The following FRY variants were observed in gnomAD, a reference collection of about 807,000 sequenced individuals.
FRY encodes the protein FRY microtubule binding protein.
In FRY, 128 loss-of-function variants were observed where a neutral mutation model predicts 348.4. That is an observed-to-expected ratio of 0.37 (90% CI 0.32 to 0.43). The LOEUF (loss-of-function observed/expected upper bound fraction) is 0.43. Ranked by LOEUF, FRY falls within the 20% of genes least tolerant of loss-of-function variation. The pLI, the probability that FRY is intolerant of heterozygous loss-of-function variation, is 1.00. For synonymous variants in FRY, 1,370 were observed against 1,374.7 expected, an observed-to-expected ratio of 1.00 and a Z score of 0.08; for missense variants, 2,736 against 3,695.2, an observed-to-expected ratio of 0.74 and a Z score of 6.73.
Position 32,247,325 on chromosome 13 carries a change from T to TGTTC in FRY, c.6832_6835dup (p.His2279ArgfsTer29). 1 of 1,611,202 alleles carries TGTTC rather than the reference T, an allele frequency of 6.2e-7. No individual in the cohort carries two copies. ...CTTGAATGTTTTATTTCCTGCAGAG[T>TGTTC]GTTCACTGGAGAGAAGCTCTGAATA... On this transcript the variant is annotated frameshift_variant, in exon 48 of 61. Transcript: ENST00000542859. LOFTEE classifies it high-confidence loss of function.
chr13:32,234,950 A>G (rs1886143930), intron 42 of FRY, among the ~76,000 whole-genome samples, 189 bp downstream of exon 42: 1 of 152,184 alleles, frequency 6.6e-6, no homozygotes, highest in African/African-American at 2.4e-5. Flanking sequence ...TTGTTCTAGA[A>G]ATTCAGTGGA....
chr13:32,211,086 T>A (rs780735671), intron 34 of FRY, 52 bp downstream of exon 34: 2 of 1,491,926 alleles, frequency 1.3e-6, no homozygotes, highest in East Asian at 2.3e-5. Flanking sequence ...GGGGTTTCCT[T>A]CATGTAGATT....
At position 32,267,371 on chromosome 13, in the gene FRY, C is replaced by T. The variant is rs1247048898; in HGVS notation, c.8136+12C>T. The T allele has an allele frequency of 1.9e-6, 3 of 1,610,384 alleles. No individual in the cohort carries two copies. The highest frequency in any genetic ancestry group is 2.2e-5 in the East Asian group (1 of 44,870). On this transcript the variant is annotated intron_variant, in intron 55 of 60. Transcript: ENST00000542859. ...CCTCCTTGTTTAAGGTATGTGTGCT[C>T]ACTGAAAGTGCAGAGGACTTAGTTT...
At chr13:32,087,713 T>C (rs1201006473) in intron 2 of FRY, among the ~76,000 whole-genome samples, 1 of 152,232 alleles carries the variant, frequency 6.6e-6, no homozygotes, top group Non-Finnish European at 1.5e-5. Context: ...ATCCATAGTC[T>C]TGTATTTCAT....
Position 32,140,684 on chromosome 13 carries a change from G to A in FRY, c.1179+3712G>A, listed in dbSNP as rs184049865. ...GACGCATTCAGGGAAGGCAGGCAAG[G>A]GAGGTACAAGCAGGGTATTTGATTT... On this transcript the variant is annotated intron_variant, in intron 11 of 60. Coordinates refer to ENST00000542859, the MANE Select transcript of FRY (RefSeq NM_023037.3). 2.6e-3 allele frequency among the ~76,000 whole-genome samples: 395 copies of A among 152,290 alleles called. 2 individuals are homozygous for A. Among genetic ancestry groups the A allele is most frequent in the Non-Finnish European group, 4.1e-3 (279 of 68,020 alleles).
In FRY at chr13:32,254,373, T is replaced by C; in HGVS notation, c.7395T>C (p.Asp2465=). Residue 2465 remains aspartate (D), a synonymous_variant, in exon 51 of 61, where the codon GAT becomes GAC. Coordinates refer to ENST00000542859, the MANE Select transcript of FRY (RefSeq NM_023037.3). ...TCTTCAGAGACTTCGACTTCCTAGA[T>C]GTGGAGCTGGAGGATGGAGAGGTAC... ...FRVFRDFDFL[D]VELEDGEGES... is the part of the protein sequence containing the mutation. 6.2e-7 allele frequency: 1 copy of C among 1,614,110 alleles called. No homozygotes were observed.
At chr13:32,143,566 C>CGGTTATG (rs1415284976) in intron 11 of FRY, among the ~76,000 whole-genome samples, 1 of 151,898 alleles carries the variant, frequency 6.6e-6, no homozygotes, top group Non-Finnish European at 1.5e-5. Context: ...CTAGAGATCT[C>CGGTTATG]GGTTATGGTC....
intron 1 of FRY, among the ~76,000 whole-genome samples, chr13:32,037,573 T>C (rs1373772863): frequency 1.3e-5 from 2 of 152,176 alleles, no homozygotes; most frequent in Admixed American, 6.5e-5. Flanking sequence ...TGCTGCTTGA[T>C]GAAGTCCCAA....
At position 32,299,008 on chromosome 13, in the gene FRY, C is replaced by T. The variant is rs542303108; in HGVS notation, c.*3548C>T. ...AAGAAAAGCTCTATAACAAAAGTTC[C>T]GTTGTGGTGGTTATACAGCATTGTG... On this transcript the variant is annotated 3_prime_UTR_variant, in exon 61 of 61. Transcript: ENST00000542859. The T allele has an allele frequency of 2.6e-5, 4 of 152,232 alleles. No homozygotes were observed. Among genetic ancestry groups the T allele is most frequent in the East Asian group, 1.9e-4 (1 of 5,186 alleles). The allele number at this position is 152,232 out of a possible 1,614,324, so 9.4% of individuals were successfully genotyped here.
intron 1 of FRY, among the ~76,000 whole-genome samples, chr13:32,071,740 G>A (rs766053363): frequency 6.6e-6 from 1 of 152,042 alleles, no homozygotes; most frequent in Non-Finnish European, 1.5e-5. Context: ...AGGGAAATTG[G>A]GAGTTGCTAA....
intron 1 of FRY, among the ~76,000 whole-genome samples, chr13:32,036,638 TG>T (rs1872526689): frequency 6.6e-6 from 1 of 152,078 alleles, no homozygotes; most frequent in Non-Finnish European, 1.5e-5. Context: ...GCTGAGACAC[TG>T]GGTGCAAACC....
chr13:32,135,762 T>C (rs1324565858), intron 10 of FRY, among the ~76,000 whole-genome samples: 3 of 152,212 alleles, frequency 2.0e-5, no homozygotes, highest in South Asian at 4.1e-4. Flanking sequence ...CGGCGAGTGA[T>C]GTAACAGCTG....
chr13:32,156,219 A>C (rs1301171815), intron 15 of FRY, among the ~76,000 whole-genome samples: 1 of 152,246 alleles, frequency 6.6e-6, no homozygotes, highest in Non-Finnish European at 1.5e-5. Context: ...TTATTAAGAT[A>C]GTTACTGGAT....
At chr13:32,100,082 T>G (rs1475734393) in intron 2 of FRY, among the ~76,000 whole-genome samples, 6 of 149,958 alleles carry the variant, frequency 4.0e-5, no homozygotes, top group South Asian at 4.2e-4. Context: ...AATAGTGAAT[T>G]GCTTTCAACT....
At chr13:32,293,334 G>T (rs1054253822) in intron 59 of FRY, among the ~76,000 whole-genome samples, 2 of 152,118 alleles carry the variant, frequency 1.3e-5, no homozygotes, top group Non-Finnish European at 2.9e-5. Flanking sequence ...TGTTTTAAAA[G>T]ATTATTTCAC....
At chr13:32,212,654 A>G (rs953070317) in intron 35 of FRY, among the ~76,000 whole-genome samples, 4 of 152,200 alleles carry the variant, frequency 2.6e-5, no homozygotes, top group Non-Finnish European at 4.4e-5. Context: ...AGTAAAAACC[A>G]TGAGTTGTTC....
At chr13:32,124,928 C>A in intron 7 of FRY, 53 bp downstream of exon 7, 1 of 1,289,506 alleles carries the variant, frequency 7.8e-7, no homozygotes, top group South Asian at 1.2e-5. Flanking sequence ...TTTCACTGTC[C>A]TTCCAGCCCT....
intron 10 of FRY, 59 bp from the exon 11 acceptor site, chr13:32,136,812 A>G: frequency 2.1e-6 from 2 of 970,380 alleles, no homozygotes; most frequent in East Asian, 2.4e-5. Flanking sequence ...CAGAGAATGT[A>G]TGTTACCTGG....
In FRY at chr13:32,114,043, G is replaced by A. The variant is rs1369446344; in HGVS notation, c.325-3291G>A. 2.6e-5 allele frequency among the ~76,000 whole-genome samples: 4 copies of A among 152,180 alleles called. No homozygotes were observed. The East Asian group carries it at 7.7e-4, about 29-fold the overall frequency. On this transcript the variant is annotated intron_variant, in intron 3 of 60. Coordinates refer to ENST00000542859, the MANE Select transcript of FRY (RefSeq NM_023037.3). The stretch of plus-strand genomic sequence containing the variant: ...ATGAAGTCTGATGAACACTGTGGAA[G>A]TTCTCTATGGAGAATGGGGGTTCCA...
Sources: allele counts gnomAD v4.1 joint callset (sites outside exome capture counted in the v4.1 genomes callset), GRCh38; gene constraint gnomAD v4.1.1; transcripts MANE v1.5; gene names NCBI Gene and HGNC (gene_info 2026-07-23, HGNC 2026-07-21).